Variants in HMX1 observed in about 807,000 individuals in gnomAD.
The protein encoded by HMX1 is H6 family homeobox 1.
A neutral mutation model predicts 8.9 loss-of-function variants in HMX1; 8 were observed. The observed-to-expected ratio is 0.90, with a 90% confidence interval of 0.53 to 1.63. The LOEUF (loss-of-function observed/expected upper bound fraction) is 1.63. HMX1 is among the 40% of genes most tolerant of loss of function. The pLI, the probability that HMX1 is intolerant of heterozygous loss-of-function variation, is 0.00. For synonymous variants in HMX1, 311 were observed against 283.4 expected, an observed-to-expected ratio of 1.10 and a Z score of -0.98; for missense variants, 621 against 558.5, an observed-to-expected ratio of 1.11 and a Z score of -1.13.
downstream of HMX1, among the ~76,000 whole-genome samples, chr4:8,864,745 C>T (rs561319197): frequency 6.6e-6 from 1 of 152,326 alleles, no homozygotes; most frequent in South Asian, 2.1e-4. Flanking sequence ...CCTAATCCAG[C>T]TTGGGATCTG....
intron 1 of HMX1, among the ~76,000 whole-genome samples, chr4:8,856,938 T>A (rs1379813478): frequency 1.3e-5 from 2 of 151,966 alleles, no homozygotes; most frequent in Non-Finnish European, 2.9e-5. Context: ...AAATAAAAAT[T>A]AGCCGGGCGT....
chr4:8,851,903 G>A (rs1157498641), intron 1 of HMX1, among the ~76,000 whole-genome samples: 2 of 152,274 alleles, frequency 1.3e-5, no homozygotes, highest in Admixed American at 6.5e-5. Flanking sequence ...AGGCCAGGCA[G>A]CGGGCTGGAG....
At position 8,871,107 on chromosome 4, in the gene HMX1, G is replaced by C. The variant is rs1722197869; in HGVS notation, c.394+114C>G. On this transcript the variant is annotated intron_variant, in intron 1 of 1. Transcript: ENST00000400677. This position sits in a 1 kb window ranked among gnomAD's most constrained non-coding sequence, Gnocchi z 4.8. ...CACAAGGCCCAGACGCCGTTCCACAGAAGGGAGAGGATGGCCCAGAACGGG... is the reference window on the plus strand; with the variant it reads ...CACAAGGCCCAGACGCCGTTCCACACAAGGGAGAGGATGGCCCAGAACGGG... The C allele has an allele frequency of 8.8e-7, 1 of 1,130,084 alleles. No individual in the cohort carries two copies. Among genetic ancestry groups the C allele is most frequent in the Admixed American group, 4.7e-5 (1 of 21,452 alleles). 70.0% of individuals were successfully genotyped at this position (1,130,084 alleles called of 1,614,324 possible).
downstream of HMX1, among the ~76,000 whole-genome samples, chr4:8,866,846 C>T (rs1372018100): frequency 6.6e-6 from 1 of 152,340 alleles, no homozygotes; most frequent in South Asian, 2.1e-4. Context: ...ACTCCCGGCT[C>T]CTGGCCCTTC....
chr4:8,859,611 G>C (rs1351137262), intron 1 of HMX1, among the ~76,000 whole-genome samples: 1 of 152,134 alleles, frequency 6.6e-6, no homozygotes, highest in East Asian at 1.9e-4. Context: ...CCCAGACCAG[G>C]GGTGAGCTGG....
rs1722027200 is a variant in HMX1, at chr4:8,867,231, G to A, written c.*462C>T. On this transcript the variant is annotated 3_prime_UTR_variant, in exon 2 of 2. Transcript: ENST00000400677. ...CGCGAGAGGGGTAGCACAGCCCTCC[G>A]GGCCGGCCTGCTGTCTGGGTCCCAG... 3.0e-6 allele frequency: 3 copies of A among 985,762 alleles called. No individual in the cohort carries two copies. Among genetic ancestry groups the A allele is most frequent in the Non-Finnish European group, 3.6e-6 (3 of 830,130 alleles). The allele number at this position is 985,762 out of a possible 1,614,324, so 61.1% of individuals were successfully genotyped here. A position where few individuals can be genotyped will look rare whatever the true frequency, so the allele number is the denominator to read the frequency against.
Position 8,867,688 on chromosome 4 carries a change from G to T in HMX1, c.*5C>A. 1 of 1,245,852 alleles carries T rather than the reference G, an allele frequency of 8.0e-7. No homozygotes were observed. The highest frequency in any genetic ancestry group is 1.6e-5 in the African/African-American group (1 of 64,446). The allele number at this position is 1,245,852 out of a possible 1,614,324, so 77.2% of individuals were successfully genotyped here. On this transcript the variant is annotated 3_prime_UTR_variant, in exon 2 of 2. Transcript: ENST00000400677. Reference sequence around the variant, plus strand: ...GTCGTGGGGAGAGGGCCCGGCAGGCGGGGCTCACACCAGGCCAGGCATCTG... The same window carrying T: ...GTCGTGGGGAGAGGGCCCGGCAGGCTGGGCTCACACCAGGCCAGGCATCTG...
At chr4:8,857,242 T>C (rs1037357772) in intron 1 of HMX1, among the ~76,000 whole-genome samples, 4 of 152,330 alleles carry the variant, frequency 2.6e-5, no homozygotes, top group Admixed American at 2.6e-4. Context: ...CAGATGGGGT[T>C]GGACGCCGTC....
chr4:8,863,725 C>G (rs758521740), downstream of HMX1, among the ~76,000 whole-genome samples: 1 of 152,242 alleles, frequency 6.6e-6, no homozygotes, highest in Non-Finnish European at 1.5e-5. Context: ...GCCCTGGTTG[C>G]TGCCTGCTCT....
Position 8,867,990 on chromosome 4 carries a change from C to G in HMX1, c.750G>C (p.Trp250Cys). The G allele has an allele frequency of 1.3e-6, 2 of 1,537,630 alleles. No homozygotes were observed. Among genetic ancestry groups the G allele is most frequent in the Non-Finnish European group, 1.8e-6 (2 of 1,141,658 alleles). The change falls in exon 2 of 2, where the codon TGG (tryptophan) becomes TGC (cysteine). Residue 250 changes from tryptophan to cysteine, a missense_variant. Physicochemically the swap from Trp to Cys is radical, Grantham distance 215. Coordinates refer to ENST00000400677, the MANE Select transcript of HMX1 (RefSeq NM_018942.3). ...LQLTETQVKI[W>C]FQNRRNKWKR... is the part of the protein sequence containing the mutation. ...TCCACTTGTTGCGGCGGTTCTGGAA[C>G]CAGATCTTAACCTGCGTCTCGGTGA...
rs1721309038 is a variant in HMX1, at chr4:8,847,324, A to T, written c.395-1000T>A. ...ATTTAAAAAGCCACTAAGTGATCTG[A>T]TGTCTCCTGAGAATATCTTTGACTT... is the stretch of plus-strand genomic sequence containing the variant. On this transcript the variant is annotated intron_variant, in intron 1 of 1. Coordinates refer to the HMX1 transcript ENST00000506970. The surrounding 1 kb of genome is among the most constrained non-coding windows in gnomAD (Gnocchi z 6.0). Among the ~76,000 whole-genome samples, 1 of 152,214 alleles carries T rather than the reference A, an allele frequency of 6.6e-6. No homozygotes were observed. Among genetic ancestry groups the T allele is most frequent in the South Asian group, 2.1e-4 (1 of 4,830 alleles).
intron 1 of HMX1, among the ~76,000 whole-genome samples, chr4:8,857,465 C>A (rs1054872603): frequency 1.3e-5 from 2 of 152,212 alleles, no homozygotes; most frequent in Non-Finnish European, 2.9e-5. Flanking sequence ...TGCGCCGGGC[C>A]TCCCAGGTCT....
At chr4:8,859,558 G>C (rs1721727483) in intron 1 of HMX1, among the ~76,000 whole-genome samples, 3 of 152,134 alleles carry the variant, frequency 2.0e-5, no homozygotes, top group Middle Eastern at 3.2e-3. Flanking sequence ...TGAGGAAGTG[G>C]GGAGGGTGCG....
At position 8,870,072 on chromosome 4, in the gene HMX1, G is replaced by A. The variant is rs927590226; in HGVS notation, c.394+1149C>T. Among the ~76,000 whole-genome samples the A allele has an allele frequency of 2.0e-5, 3 of 152,068 alleles. No homozygotes were observed. Among genetic ancestry groups the A allele is most frequent in the African/African-American group, 7.2e-5 (3 of 41,382 alleles). Reference sequence around the variant, plus strand: ...TTGCAAAGGATCACTCCACGACATGGAAAGGGTTATCTAACAAGTGAGTGA... The same window carrying A: ...TTGCAAAGGATCACTCCACGACATGAAAAGGGTTATCTAACAAGTGAGTGA... On this transcript the variant is annotated intron_variant, in intron 1 of 1. Coordinates refer to ENST00000400677, the MANE Select transcript of HMX1 (RefSeq NM_018942.3). The surrounding 1 kb of genome is among the most constrained non-coding windows in gnomAD (Gnocchi z 4.4).
chr4:8,846,892 G>C (rs868252920), intron 1 of HMX1, among the ~76,000 whole-genome samples: 1 of 152,138 alleles, frequency 6.6e-6, no homozygotes, highest in Non-Finnish European at 1.5e-5. Context: ...CTGATCTCCA[G>C]CATGTTGTTG....
At position 8,849,220 on chromosome 4, in the gene HMX1, G is replaced by T. The variant is rs931073090; in HGVS notation, c.395-2896C>A. Among the ~76,000 whole-genome samples the T allele has an allele frequency of 2.6e-5, 4 of 152,088 alleles. No individual in the cohort carries two copies. The highest frequency in any genetic ancestry group is 5.9e-5 in the Non-Finnish European group (4 of 68,036). On this transcript the variant is annotated intron_variant, in intron 1 of 1. Transcript: ENST00000506970. The surrounding 1 kb of genome is among the most constrained non-coding windows in gnomAD (Gnocchi z 6.6). ...GAACTGTGTCCTCCCAAATGTGTAT[G>T]GGGAGGTCCTGACCGGCAGCACCCC...
Position 8,870,211 on chromosome 4 carries a change from A to C in HMX1, c.394+1010T>G, listed in dbSNP as rs1352062335. Among the ~76,000 whole-genome samples the C allele has an allele frequency of 3.4e-5, 5 of 148,970 alleles. No individual in the cohort carries two copies. Among genetic ancestry groups the C allele is most frequent in the Non-Finnish European group, 1.5e-5 (1 of 67,128 alleles). On this transcript the variant is annotated intron_variant, in intron 1 of 1. Coordinates refer to ENST00000400677, the MANE Select transcript of HMX1 (RefSeq NM_018942.3). This position sits in a 1 kb window ranked among gnomAD's most constrained non-coding sequence, Gnocchi z 4.4. ...CGTCCTCAGCTGGCCTCAAGGTCCA[A>C]AGGCTGTGTTGGGGGTGGGGGGCTG...
chr4:8,871,676 G>C lies in HMX1; in HGVS notation c.-62C>G. 8.7e-7 allele frequency: 1 copy of C among 1,149,896 alleles called. No homozygotes were observed. The highest frequency in any genetic ancestry group is 4.3e-5 in the South Asian group (1 of 23,356). 71.2% of individuals were successfully genotyped at this position (1,149,896 alleles called of 1,614,324 possible). A position where few individuals can be genotyped will look rare whatever the true frequency, so the allele number is the denominator to read the frequency against. ...CGGTCCCCGCTGGGGATGGTGGCGC[G>C]CGGCTCCCGGGCGCACGCGCGGGCC... On this transcript the variant is annotated 5_prime_UTR_variant, in exon 1 of 2. Coordinates refer to ENST00000400677, the MANE Select transcript of HMX1 (RefSeq NM_018942.3). This position sits in a 1 kb window ranked among gnomAD's most constrained non-coding sequence, Gnocchi z 4.8.
chr4:8,867,282 A>C lies in HMX1; in HGVS notation c.*411T>G. 1.0e-6 allele frequency: 1 copy of C among 987,288 alleles called. No individual in the cohort carries two copies. Among genetic ancestry groups the C allele is most frequent in the Non-Finnish European group, 1.2e-6 (1 of 831,274 alleles). 61.2% of individuals were successfully genotyped at this position (987,288 alleles called of 1,614,324 possible). Reference sequence around the variant, plus strand: ...GAAAGGGACGTTTAGTGTTGGGGGCAGTCTGTGGGGACAGTCACCGCTCAG... The same window carrying C: ...GAAAGGGACGTTTAGTGTTGGGGGCCGTCTGTGGGGACAGTCACCGCTCAG... On this transcript the variant is annotated 3_prime_UTR_variant, in exon 2 of 2. Coordinates refer to ENST00000400677, the MANE Select transcript of HMX1 (RefSeq NM_018942.3).
Sources: gnomAD v4.1 joint callset for allele counts (sites outside exome capture counted in the v4.1 genomes callset) on GRCh38, gnomAD v4.1.1 for gene constraint, Gnocchi (gnomAD v3.1) non-coding constraint, MANE v1.5 for transcripts, NCBI Gene and HGNC (gene_info 2026-07-23, HGNC 2026-07-21) for gene names.